The following CNTN5 variants were observed in gnomAD, a reference collection of about 807,000 sequenced individuals.
CNTN5 encodes the protein contactin-5.
In CNTN5, 77 loss-of-function variants were observed where a neutral mutation model predicts 129.1. That is an observed-to-expected ratio of 0.60 (90% confidence interval 0.50 to 0.72). The LOEUF is 0.72. Ranked by LOEUF, CNTN5 falls within the 30% of genes least tolerant of loss-of-function variation. The pLI is 0.00. For synonymous variants in CNTN5, 509 were observed against 465.6 expected (o/e 1.09, Z -1.20); for missense variants, 1,478 against 1,328.8 (o/e 1.11, Z -1.75).
At chr11:100,028,124 C>A (rs1941520279) in intron 9 of CNTN5, among the ~76,000 whole-genome samples, 1 of 151,922 alleles carries the variant, frequency 6.6e-6, no homozygotes, top group Non-Finnish European at 1.5e-5. Context: ...TTGACAGAAT[C>A]CTTTCTCAGA....
At chr11:99,770,589 A>G (rs1418407369) in intron 3 of CNTN5, among the ~76,000 whole-genome samples, 1 of 151,978 alleles carries the variant, frequency 6.6e-6, no homozygotes. Flanking sequence ...TTTCCTATGT[A>G]TTATGTCTTT....
chr11:99,459,051 GT>G (rs1414477434), intron 2 of CNTN5, among the ~76,000 whole-genome samples: 1 of 152,022 alleles, frequency 6.6e-6, no homozygotes, highest in East Asian at 1.9e-4. Context: ...CTACTAAAAT[GT>G]TTTTGACAGA....
At chr11:99,992,978 C>T (rs1471337089) in intron 8 of CNTN5, among the ~76,000 whole-genome samples, 1 of 152,134 alleles carries the variant, frequency 6.6e-6, no homozygotes, top group Non-Finnish European at 1.5e-5. Flanking sequence ...CAGCTCCATA[C>T]TAGGGGCAAT....
chr11:99,229,382 T>C (rs1403191205), intron 1 of CNTN5, among the ~76,000 whole-genome samples: 1 of 152,038 alleles, frequency 6.6e-6, no homozygotes, highest in Non-Finnish European at 1.5e-5. Flanking sequence ...GTTTTGTATA[T>C]AAATGATTGC....
At chr11:100,251,631 C>T (rs1426829353) in intron 16 of CNTN5, among the ~76,000 whole-genome samples, 1 of 151,810 alleles carries the variant, frequency 6.6e-6, no homozygotes, top group East Asian at 1.9e-4. Flanking sequence ...CTATGAGATC[C>T]TTTTTTTTAG....
chr11:100,149,877 G>A (rs554464975), intron 13 of CNTN5, among the ~76,000 whole-genome samples: 100 of 145,972 alleles, frequency 6.9e-4, no homozygotes, highest in Non-Finnish European at 1.1e-3. Context: ...CTGGGCGACA[G>A]GGTGAGACTC....
chr11:99,113,831 CATAAAGAG>C (rs1372120707), intron 1 of CNTN5, among the ~76,000 whole-genome samples: 1 of 152,104 alleles, frequency 6.6e-6, no homozygotes, highest in East Asian at 1.9e-4. Flanking sequence ...TAACTTATTA[CATAAAGAG>C]ATAAAGAGGT....
intron 2 of CNTN5, among the ~76,000 whole-genome samples, chr11:99,400,502 T>C (rs1298860005): frequency 6.6e-6 from 1 of 152,138 alleles, no homozygotes; most frequent in Non-Finnish European, 1.5e-5. Flanking sequence ...AATCCAATCA[T>C]CTGTTGATGG....
At chr11:100,279,260 G>T (rs912204116) in intron 18 of CNTN5, among the ~76,000 whole-genome samples, 23 of 148,394 alleles carry the variant, frequency 1.5e-4, no homozygotes, top group Non-Finnish European at 3.3e-4. Context: ...CAGTCTATAG[G>T]TTTTTTTTTT....
chr11:99,463,311 G>T (rs182772588), intron 2 of CNTN5, among the ~76,000 whole-genome samples: 17 of 150,116 alleles, frequency 1.1e-4, no homozygotes, highest in Non-Finnish European at 2.5e-4. Context: ...GGTGGCGGGC[G>T]CCTGTAGTCC....
intron 1 of CNTN5, among the ~76,000 whole-genome samples, chr11:99,144,849 T>A (rs1859701032): frequency 6.6e-6 from 1 of 152,114 alleles, no homozygotes; most frequent in African/African-American, 2.4e-5. Flanking sequence ...TATTCTCTTG[T>A]ATCTTTCTTA....
chr11:99,434,696 G>A (rs1943532799), intron 2 of CNTN5, among the ~76,000 whole-genome samples: 2 of 151,986 alleles, frequency 1.3e-5, no homozygotes, highest in South Asian at 4.2e-4. Flanking sequence ...AAGAGATAAA[G>A]TGATTTGTCT....
chr11:99,419,942 T>A (rs1942815143), intron 2 of CNTN5, among the ~76,000 whole-genome samples: 1 of 151,908 alleles, frequency 6.6e-6, no homozygotes, highest in African/African-American at 2.4e-5. Context: ...ACCAAATGTA[T>A]GATAGTGAAA....
intron 6 of CNTN5, among the ~76,000 whole-genome samples, chr11:99,904,059 T>C (rs1372099568): frequency 6.6e-6 from 1 of 152,158 alleles, no homozygotes; most frequent in African/African-American, 2.4e-5. Flanking sequence ...TTAATGATAT[T>C]TTTGTTTTCT....
At chr11:100,074,558 A>G (rs1944052768) in intron 13 of CNTN5, among the ~76,000 whole-genome samples, 1 of 152,140 alleles carries the variant, frequency 6.6e-6, no homozygotes, top group Non-Finnish European at 1.5e-5. Context: ...AATTAAACTA[A>G]TTATTTTTGT....
intron 1 of CNTN5, among the ~76,000 whole-genome samples, chr11:99,212,691 G>A (rs1365432044): frequency 6.6e-6 from 1 of 151,772 alleles, no homozygotes; most frequent in Non-Finnish European, 1.5e-5. Context: ...TTATTTAGGG[G>A]AATTCTGAAA....
intron 2 of CNTN5, among the ~76,000 whole-genome samples, chr11:99,438,299 G>C (rs904984327): frequency 2.0e-5 from 3 of 151,980 alleles, no homozygotes; most frequent in Non-Finnish European, 4.4e-5. Flanking sequence ...AACATTTATT[G>C]ATGAGTCTAC....
chr11:99,541,571 T>C (rs1281041482), intron 2 of CNTN5, among the ~76,000 whole-genome samples: 1 of 152,136 alleles, frequency 6.6e-6, no homozygotes, highest in Non-Finnish European at 1.5e-5. Flanking sequence ...AGGAGGAAGA[T>C]ACAAGATTGC....
At chr11:100,033,894 C>A (rs927921189) in intron 9 of CNTN5, among the ~76,000 whole-genome samples, 2 of 152,188 alleles carry the variant, frequency 1.3e-5, no homozygotes, top group Admixed American at 1.3e-4. Context: ...AAGATTGTTT[C>A]ACTTGCTAAC....
Sources: gnomAD v4.1 joint callset for allele counts (sites outside exome capture counted in the v4.1 genomes callset) on GRCh38, gnomAD v4.1.1 for gene constraint, MANE v1.5 for transcripts, NCBI Gene and HGNC (gene_info 2026-07-23, HGNC 2026-07-21) for gene names.